Variants in LRRC4C observed in about 807,000 individuals in gnomAD.
LRRC4C encodes leucine-rich repeat-containing protein 4C.
Under a neutral mutation model 33.6 loss-of-function variants are expected in LRRC4C, and 5 were observed. That is an observed-to-expected ratio of 0.15 (90% CI 0.08 to 0.31). LRRC4C has a LOEUF of 0.31. LRRC4C is among the 10% of genes least tolerant of loss of function. The pLI, the probability that LRRC4C is intolerant of heterozygous loss-of-function variation, is 1.00. For synonymous variants in LRRC4C, 329 were observed against 302.0 expected (o/e 1.09, Z -0.93); for missense variants, 560 against 796.7 (o/e 0.70, Z 3.58).
rs201840630 is a variant in LRRC4C at position 40,162,162 on chromosome 11, G to GA, written c.-95-21310dup. On this transcript the variant is annotated intron_variant, in intron 5 of 6. Coordinates refer to ENST00000528697, the MANE Select transcript of LRRC4C (RefSeq NM_001258419.2). ...ATTGTCTGGAAAACTGGTTCCAGAA[G>GA]AAAAAAAAAAAAAGACTGACCGTTA... Among the ~76,000 whole-genome samples the GA allele has an allele frequency of 4.9e-3, 653 of 133,020 alleles. 3 individuals are homozygous for GA. The highest frequency in any genetic ancestry group is 0.013 in the African/African-American group (476 of 36,410). 87.3% of individuals were successfully genotyped at this position (133,020 alleles called of 152,430 possible).
Position 40,500,287 on chromosome 11 carries a change from TATATATACACAC to T in LRRC4C, c.-270+147843_-270+147854del, listed in dbSNP as rs751191891. On this transcript the variant is annotated intron_variant, in intron 3 of 6. Transcript: ENST00000528697. ...CTAATGTCTGATATATATATATATA[TATATATACACAC>T]ACACACACACACACACACACACACA... 9.8e-3 allele frequency among the ~76,000 whole-genome samples: 697 copies of T among 71,028 alleles called. 6 individuals carry two copies. The highest frequency in any genetic ancestry group is 0.031 in the African/African-American group (638 of 20,600). 46.6% of individuals were successfully genotyped at this position (71,028 alleles called of 152,430 possible). A position where few individuals can be genotyped will look rare whatever the true frequency, so the allele number is the denominator to read the frequency against.
At chr11:40,816,010 A>C (rs1388655853) in intron 2 of LRRC4C, among the ~76,000 whole-genome samples, 6 of 152,208 alleles carry the variant, frequency 3.9e-5, no homozygotes, top group South Asian at 2.1e-4. Flanking sequence ...CAAAGAGCTA[A>C]GAGGACTTCC....
chr11:40,312,612 T>A (rs1188168494), intron 4 of LRRC4C, among the ~76,000 whole-genome samples: 1 of 152,154 alleles, frequency 6.6e-6, no homozygotes, highest in Non-Finnish European at 1.5e-5. Flanking sequence ...CAACCCAGTT[T>A]TACCCAAGAA....
Position 40,735,480 on chromosome 11 carries a change from A to G in LRRC4C, c.-406-87202T>C, listed in dbSNP as rs1448003255. 1.3e-5 allele frequency among the ~76,000 whole-genome samples: 2 copies of G among 148,734 alleles called. 1 individual carries two copies. The highest frequency in any genetic ancestry group is 3.9e-4 in the East Asian group (2 of 5,140). ...TCCAGTTTCATCCATGTCCCTACAA[A>G]GGACATGAACTCATTTTTTGTGGCT... On this transcript the variant is annotated intron_variant, in intron 2 of 6. Coordinates refer to ENST00000528697, the MANE Select transcript of LRRC4C (RefSeq NM_001258419.2).
intron 2 of LRRC4C, among the ~76,000 whole-genome samples, chr11:40,670,205 T>A (rs1944021677): frequency 6.6e-6 from 1 of 152,202 alleles, no homozygotes; most frequent in Non-Finnish European, 1.5e-5. Flanking sequence ...TGGGGTATCC[T>A]ATCACCTTCA....
At chr11:41,161,371 A>G (rs1020497579) in intron 1 of LRRC4C, among the ~76,000 whole-genome samples, 1 of 152,136 alleles carries the variant, frequency 6.6e-6, no homozygotes, top group Non-Finnish European at 1.5e-5. Context: ...TCCTGTAGAG[A>G]GCTTTGAAAA....
chr11:40,940,982 A>T (rs1452958005), intron 1 of LRRC4C, among the ~76,000 whole-genome samples: 1 of 150,054 alleles, frequency 6.7e-6, no homozygotes, highest in Non-Finnish European at 1.5e-5. Context: ...CACGTAATAC[A>T]TTCAGAAGAT....
chr11:40,311,406 A>G (rs975560020), intron 4 of LRRC4C, among the ~76,000 whole-genome samples: 2 of 152,206 alleles, frequency 1.3e-5, no homozygotes, highest in East Asian at 3.9e-4. Flanking sequence ...CATGTTCAGT[A>G]AACGTGTACT....
chr11:40,927,355 T>C (rs921835609), intron 2 of LRRC4C, among the ~76,000 whole-genome samples: 5 of 143,740 alleles, frequency 3.5e-5, no homozygotes, highest in Non-Finnish European at 7.7e-5. Context: ...GCCTGAACAA[T>C]AAAGACTGTG....
At chr11:40,862,300 G>T (rs1315281288) in intron 2 of LRRC4C, among the ~76,000 whole-genome samples, 1 of 152,072 alleles carries the variant, frequency 6.6e-6, no homozygotes, top group African/African-American at 2.4e-5. Flanking sequence ...TGTTTGGAAA[G>T]GGAAGCAAAG....
chr11:40,206,991 G>A (rs1863208829), intron 5 of LRRC4C, among the ~76,000 whole-genome samples: 1 of 151,828 alleles, frequency 6.6e-6, no homozygotes, highest in Admixed American at 6.6e-5. Flanking sequence ...CACAACCCTA[G>A]ACAGATTATT....
At chr11:40,922,558 G>C (rs964288515) in intron 2 of LRRC4C, among the ~76,000 whole-genome samples, 1 of 152,096 alleles carries the variant, frequency 6.6e-6, no homozygotes, top group Non-Finnish European at 1.5e-5. Flanking sequence ...TATGCATGTG[G>C]TAAAAGATGT....
Position 41,041,461 on chromosome 11 carries a change from G to A in LRRC4C, c.-495-107738C>T, listed in dbSNP as rs1482707263. 5.3e-5 allele frequency among the ~76,000 whole-genome samples: 8 copies of A among 152,164 alleles called. No individual in the cohort carries two copies. The East Asian group carries it at 9.7e-4, about 18-fold the overall frequency. The stretch of plus-strand genomic sequence containing the variant: ...AGTGATTGCCATACAGTACTGTTCC[G>A]GTCTTAAAGCTGTAAAATAGTATGT... On this transcript the variant is annotated intron_variant, in intron 1 of 6. Coordinates refer to ENST00000528697, the MANE Select transcript of LRRC4C (RefSeq NM_001258419.2).
At chr11:40,862,103 TCATTTA>T (rs1954134657) in intron 2 of LRRC4C, among the ~76,000 whole-genome samples, 1 of 152,174 alleles carries the variant, frequency 6.6e-6, no homozygotes, top group African/African-American at 2.4e-5. Context: ...GAAGGTCCAT[TCATTTA>T]CAAAAGTACA....
At chr11:40,922,890 AACT>A (rs1451787485) in intron 2 of LRRC4C, among the ~76,000 whole-genome samples, 2 of 152,098 alleles carry the variant, frequency 1.3e-5, no homozygotes, top group Non-Finnish European at 2.9e-5. Context: ...CAGTGGCGCA[AACT>A]CTGCTCACTG....
chr11:41,170,799 C>A (rs538419456), intron 1 of LRRC4C, among the ~76,000 whole-genome samples: 147 of 152,218 alleles, frequency 9.7e-4, no homozygotes, highest in African/African-American at 3.4e-3. Context: ...AAAGAAACAA[C>A]CATCAGAGTG....
intron 3 of LRRC4C, among the ~76,000 whole-genome samples, chr11:40,450,141 A>G (rs1034289956): frequency 1.3e-5 from 2 of 152,162 alleles, no homozygotes; most frequent in East Asian, 3.9e-4. Context: ...GGCAAAGGTC[A>G]TGAAGAAGAC....
chr11:40,792,624 A>C (rs1266315258), intron 2 of LRRC4C, among the ~76,000 whole-genome samples: 1 of 152,158 alleles, frequency 6.6e-6, no homozygotes, highest in Non-Finnish European at 1.5e-5. Context: ...TGACCCAGCC[A>C]TCCCATTACT....
intron 2 of LRRC4C, among the ~76,000 whole-genome samples, chr11:40,867,439 C>T (rs536025068): frequency 2.6e-5 from 4 of 152,272 alleles, no homozygotes; most frequent in African/African-American, 7.2e-5. Context: ...AAATGAGAAA[C>T]ATATCAGCAT....
Sources: allele counts gnomAD v4.1 joint callset (sites outside exome capture counted in the v4.1 genomes callset), GRCh38; gene constraint gnomAD v4.1.1; transcripts MANE v1.5; gene names NCBI Gene and HGNC (gene_info 2026-07-23, HGNC 2026-07-21).